The following TMEM94 variants were observed in gnomAD, a reference collection of about 807,000 sequenced individuals.
TMEM94 encodes the protein ER Mg2+ ATPase.
In TMEM94, 81 loss-of-function variants were observed where a neutral mutation model predicts 158.6. The ratio of observed to expected loss-of-function variants is 0.51; its 90% CI spans 0.43 to 0.61. The LOEUF (loss-of-function observed/expected upper bound fraction) is 0.61, where lower values mean the gene tolerates loss of function less well. Ranked by LOEUF, TMEM94 falls within the 20% of genes least tolerant of loss-of-function variation. The pLI is 0.00. For synonymous variants in TMEM94, 751 were observed against 730.7 expected, an observed-to-expected ratio of 1.03 and a Z score of -0.45; for missense variants, 1,435 against 1,762.0, an observed-to-expected ratio of 0.81 and a Z score of 3.32.
chr17:75,464,664 C>CTTTCTTTCTTTCT (rs1567906910), intron 1 of TMEM94, among the ~76,000 whole-genome samples: 1 of 107,876 alleles, frequency 9.3e-6, no homozygotes, highest in African/African-American at 4.3e-5. Context: ...TCCTTCCTTC[C>CTTTCTTTCTTTCT]TTCCTTCCTT....
intron 2 of TMEM94, among the ~76,000 whole-genome samples, chr17:75,483,561 G>A (rs1367813295): frequency 2.0e-5 from 3 of 151,638 alleles, no homozygotes; most frequent in Non-Finnish European, 4.4e-5. Flanking sequence ...CCCGGTTCAA[G>A]TGATTCTCAT....
At chr17:75,476,044 G>T (rs1034616810) in intron 2 of TMEM94, among the ~76,000 whole-genome samples, 4 of 152,162 alleles carry the variant, frequency 2.6e-5, no homozygotes. Flanking sequence ...CCTCCTTCCT[G>T]CAGCTGTAAC....
intron 1 of TMEM94, among the ~76,000 whole-genome samples, chr17:75,462,576 T>G: frequency 6.6e-6 from 1 of 151,348 alleles, no homozygotes; most frequent in East Asian, 2.0e-4. Flanking sequence ...GCATGGTGGC[T>G]GACACCTGTA....
intron 2 of TMEM94, chr17:75,476,715 G>T: frequency 6.5e-7 from 1 of 1,535,640 alleles, no homozygotes; most frequent in African/African-American, 1.4e-5. Context: ...GCAGAGCTAT[G>T]GATGCCCCAT....
intron 6 of TMEM94, 56 bp downstream of exon 6, chr17:75,488,190 C>T (rs1000296446): frequency 3.2e-5 from 50 of 1,553,494 alleles, no homozygotes; most frequent in Admixed American, 1.0e-4. Context: ...CCACAGGCAA[C>T]GATGGGAGGG....
In TMEM94 at chr17:75,488,038, A is replaced by C; in HGVS notation, c.516A>C (p.Gly172=). ...CCTTGCACTGGGCCTACAGAGACGG[A>C]CACCTGGTCAACCTGCCAGTCAGCC... The part of the protein sequence containing the change: ...SWSLHWAYRD[G]HLVNLPVSLL... The change falls in exon 6 of 32, where the codon GGA becomes GGC. Residue 172 remains glycine, a synonymous_variant. Coordinates refer to ENST00000314256, the MANE Select transcript of TMEM94 (RefSeq NM_014738.6). 1 of 1,614,192 alleles carries C rather than the reference A, an allele frequency of 6.2e-7. No individual in the cohort carries two copies. Among genetic ancestry groups the C allele is most frequent in the Non-Finnish European group, 8.5e-7 (1 of 1,180,024 alleles).
At chr17:75,475,698 G>A (rs2050656666) in intron 2 of TMEM94, among the ~76,000 whole-genome samples, 1 of 149,590 alleles carries the variant, frequency 6.7e-6, no homozygotes, top group African/African-American at 2.5e-5. Flanking sequence ...TTTCTGCCTG[G>A]GGGATGCAGG....
At chr17:75,490,906 C>A in intron 11 of TMEM94, 143 bp from the exon 12 acceptor site, 2 of 930,962 alleles carry the variant, frequency 2.1e-6, no homozygotes, top group East Asian at 2.5e-5. Context: ...GACCTGTTCC[C>A]ATAACGTGTC....
intron 2 of TMEM94, among the ~76,000 whole-genome samples, chr17:75,473,210 A>G (rs2050561134): frequency 6.6e-6 from 1 of 152,110 alleles, no homozygotes; most frequent in South Asian, 2.1e-4. Flanking sequence ...ATGTCTCTGG[A>G]CCAGCTGTGC....
chr17:75,482,452 G>A (rs1027629027), intron 2 of TMEM94, among the ~76,000 whole-genome samples: 4 of 151,866 alleles, frequency 2.6e-5, no homozygotes, highest in Non-Finnish European at 5.9e-5. Context: ...AAGCTGCAGC[G>A]AACCATGCCC....
chr17:75,464,622 TC>T, intron 1 of TMEM94, among the ~76,000 whole-genome samples: 1 of 83,962 alleles, frequency 1.2e-5, no homozygotes, highest in South Asian at 4.2e-4. Context: ...TTTCTTTCTT[TC>T]CTTCCTTCCT....
intron 11 of TMEM94, 104 bp from the exon 12 acceptor site, chr17:75,490,945 C>T (rs759567502): frequency 1.1e-5 from 11 of 1,024,206 alleles, no homozygotes; most frequent in Middle Eastern, 2.1e-4. Context: ...AGTGCCTCTC[C>T]ACCCCAACTT....
rs908622331 is a variant in TMEM94 at position 75,466,539 on chromosome 17, G to C, written c.-106-5261G>C. ...TCATTAACATTGTATTGAGAGGCTG[G>C]GCATGGTGGCTCATGCCTGTAATCC... On this transcript the variant is annotated intron_variant, in intron 1 of 31. Coordinates refer to ENST00000314256, the MANE Select transcript of TMEM94 (RefSeq NM_014738.6). 4.6e-5 allele frequency among the ~76,000 whole-genome samples: 7 copies of C among 152,138 alleles called. 1 individual carries two copies. In the East Asian group the frequency reaches 1.3e-3, roughly 29 times the overall value.
Position 75,495,810 on chromosome 17 carries a change from G to A in TMEM94, c.2945-156G>A. The A allele has an allele frequency of 1.2e-6, 1 of 834,298 alleles. No homozygotes were observed. The allele number at this position is 834,298 out of a possible 1,614,324, so 51.7% of individuals were successfully genotyped here. A position where few individuals can be genotyped will look rare whatever the true frequency, so the allele number is the denominator to read the frequency against. On this transcript the variant is annotated intron_variant, in intron 22 of 31. Coordinates refer to ENST00000314256, the MANE Select transcript of TMEM94 (RefSeq NM_014738.6). This position sits in a 1 kb window ranked among gnomAD's most constrained non-coding sequence, Gnocchi z 5.6. ...AATCTTGTGGGTTGGAGTCAGAAGT[G>A]CCGATGTTCACATGATCCCGCTGCC...
At chr17:75,490,651 G>T (rs775922774) in intron 10 of TMEM94, 51 bp from the exon 11 acceptor site, 1 of 1,540,418 alleles carries the variant, frequency 6.5e-7, no homozygotes, top group Non-Finnish European at 9.0e-7. Flanking sequence ...GGAGAGGCCT[G>T]TGTGAAGGCG....
At chr17:75,483,758 G>A (rs984231375) in intron 2 of TMEM94, among the ~76,000 whole-genome samples, 7 of 151,988 alleles carry the variant, frequency 4.6e-5, no homozygotes, top group African/African-American at 1.4e-4. Flanking sequence ...AGTTCGGCCC[G>A]AGTTCAGGTT....
chr17:75,496,707 A>C, intron 24 of TMEM94, 23 bp from the exon 25 acceptor site: 1 of 1,611,972 alleles, frequency 6.2e-7, no homozygotes, highest in African/African-American at 1.3e-5. Context: ...CCCAGGCCAT[A>C]ATCTGTCCCT....
At chr17:75,476,439 T>C in intron 2 of TMEM94, 1 of 985,240 alleles carries the variant, frequency 1.0e-6, no homozygotes, top group Non-Finnish European at 1.4e-6. Flanking sequence ...CCTCCCGCCC[T>C]TCCAGGGCTG....
rs2052247823 is a variant in TMEM94 at position 75,492,054 on chromosome 17, C to T, written c.1596+154C>T. 1 of 840,382 alleles carries T rather than the reference C, an allele frequency of 1.2e-6. No individual in the cohort carries two copies. The highest frequency in any genetic ancestry group is 2.7e-5 in the East Asian group (1 of 37,480). The allele number at this position is 840,382 out of a possible 1,614,324, so 52.1% of individuals were successfully genotyped here. A position where few individuals can be genotyped will look rare whatever the true frequency, so the allele number is the denominator to read the frequency against. ...CTAGGCCAGTGGTCCCTGAGGCCCT[C>T]CCCAAGTCTGCTGCGAAGTAGGTGG... is the stretch of plus-strand genomic sequence containing the variant. On this transcript the variant is annotated intron_variant, in intron 14 of 31. Transcript: ENST00000314256. The surrounding 1 kb of genome is among the most constrained non-coding windows in gnomAD (Gnocchi z 4.4).
Sources: allele counts gnomAD v4.1 joint callset (sites outside exome capture counted in the v4.1 genomes callset), GRCh38; gene constraint gnomAD v4.1.1; non-coding constraint Gnocchi (gnomAD v3.1); transcripts MANE v1.5; gene names NCBI Gene and HGNC (gene_info 2026-07-23, HGNC 2026-07-21).